AMY2B: variants seen among roughly 807,000 people sequenced by gnomAD.
The protein encoded by AMY2B is amylase alpha 2B.
A neutral mutation model predicts 59.3 loss-of-function variants in AMY2B; 63 were observed. The ratio of observed to expected loss-of-function variants is 1.06; its 90% CI spans 0.87 to 1.31. The LOEUF (loss-of-function observed/expected upper bound fraction) is 1.31. AMY2B is among the 50% of genes most tolerant of loss of function. The probability of loss-of-function intolerance (pLI) is 0.00; values close to 1 mark genes in which losing one functional copy is unlikely to be tolerated. For missense variants in AMY2B, 635 were observed against 626.7 expected (o/e 1.01, Z -0.14); for synonymous variants, 180 against 198.1 (o/e 0.91, Z 0.77).
At chr1:103,565,867 C>G (rs1651892065) in intron 2 of AMY2B, among the ~76,000 whole-genome samples, 1 of 152,152 alleles carries the variant, frequency 6.6e-6, no homozygotes, top group African/African-American at 2.4e-5. Flanking sequence ...TGTCACTGCT[C>G]TGCTTACTAA....
At chr1:103,575,770 C>T in intron 7 of AMY2B, 1 of 577,558 alleles carries the variant, frequency 1.7e-6, no homozygotes. Flanking sequence ...TCCCCCTAGC[C>T]CACAGGAAAA....
chr1:103,560,342 T>C (rs1391779152), intron 1 of AMY2B, among the ~76,000 whole-genome samples: 2 of 152,176 alleles, frequency 1.3e-5, no homozygotes, highest in African/African-American at 4.8e-5. Flanking sequence ...TACAACCATT[T>C]TACTGTGGTA....
exon 2 of AMY2B, chr1:103,565,545 T>G (rs923784918): frequency 6.6e-6 from 1 of 152,152 alleles, no homozygotes; most frequent in Non-Finnish European, 1.5e-5. Context: ...TCAACTCACG[T>G]TGTTGGAATG....
chr1:103,572,968 T>C, intron 2 of AMY2B, 95 bp from the exon 3 acceptor site: 1 of 1,598,298 alleles, frequency 6.3e-7, no homozygotes, highest in Non-Finnish European at 8.5e-7. Context: ...TGAAATATTT[T>C]GGAGTTTTAT....
At chr1:103,563,343 C>T (rs1466656010) in intron 1 of AMY2B, among the ~76,000 whole-genome samples, 5 of 152,094 alleles carry the variant, frequency 3.3e-5, no homozygotes, top group South Asian at 2.1e-4. Flanking sequence ...GCAATAATGC[C>T]GTATATTACT....
rs147059247 is a variant in AMY2B at position 103,575,511 on chromosome 1, C to T, written c.1072C>T (p.Arg358Cys). The change falls in exon 7 of 10, where the codon CGT becomes TGT. Residue 358 changes from arginine to cysteine, a missense_variant. Arg to Cys is a radical substitution (Grantham distance 180). Coordinates refer to ENST00000684275, the MANE Select transcript of AMY2B (RefSeq NM_001387437.1). Reference protein sequence around the residue: ...YGFTRVMSSYRWPRQFQNGND... With the variant: ...YGFTRVMSSYCWPRQFQNGND... ...TTTTACACGAGTAATGTCAAGCTAC[C>T]GTTGGCCAAGACAGTTTCAAAATGG... The T allele has an allele frequency of 4.0e-5, 65 of 1,613,550 alleles. No individual in the cohort carries two copies. Among genetic ancestry groups the T allele is most frequent in the Non-Finnish European group, 5.2e-5 (61 of 1,179,790 alleles).
chr1:103,572,036 T>G, intron 1 of AMY2B, 74 bp from the exon 2 acceptor site: 1 of 1,595,846 alleles, frequency 6.3e-7, no homozygotes, highest in East Asian at 2.2e-5. Flanking sequence ...TTTTTTATAT[T>G]ATTGATTAGT....
At chr1:103,568,341 T>C (rs1651981333), upstream of AMY2B, 1 of 152,184 alleles carries the variant, frequency 6.6e-6, no homozygotes, top group African/African-American at 2.4e-5. Flanking sequence ...CACAAATTTA[T>C]TTATTTAGCA....
chr1:103,575,697 G>T (rs1652326016), intron 7 of AMY2B, 157 bp downstream of exon 7: 1 of 1,088,918 alleles, frequency 9.2e-7, no homozygotes, highest in Non-Finnish European at 1.3e-6. Context: ...TATATTAAAG[G>T]AGTAAAATAT....
At chr1:103,560,007 T>C (rs1434549274) in intron 1 of AMY2B, among the ~76,000 whole-genome samples, 4 of 152,190 alleles carry the variant, frequency 2.6e-5, no homozygotes, top group Non-Finnish European at 4.4e-5. Context: ...GAAATGTTCA[T>C]ATTAACAAGT....
At chr1:103,561,453 A>T (rs1651731997) in intron 1 of AMY2B, among the ~76,000 whole-genome samples, 1 of 152,034 alleles carries the variant, frequency 6.6e-6, no homozygotes, top group Admixed American at 6.6e-5. Context: ...GTTTTAGTAG[A>T]GACAGGGTTT....
At chr1:103,574,770 A>G (rs1405700323) in intron 5 of AMY2B, among the ~76,000 whole-genome samples, 5 of 151,660 alleles carry the variant, frequency 3.3e-5, no homozygotes, top group Non-Finnish European at 5.9e-5. Context: ...AATTAAAAAT[A>G]TAAAAATATT....
upstream of AMY2B, among the ~76,000 whole-genome samples, chr1:103,567,074 A>G (rs1651933432): frequency 1.3e-5 from 2 of 152,220 alleles, no homozygotes. Flanking sequence ...AAGAAGTCAA[A>G]TATAGCTTAA....
At chr1:103,576,370 T>C (rs1652354255) in intron 7 of AMY2B, among the ~76,000 whole-genome samples, 1 of 152,160 alleles carries the variant, frequency 6.6e-6, no homozygotes, top group Non-Finnish European at 1.5e-5. Context: ...TATTTAGGTG[T>C]ACTTTTATAT....
At chr1:103,573,640 T>G (rs1322390786) in intron 3 of AMY2B, 68 bp from the exon 4 acceptor site, 1 of 1,597,962 alleles carries the variant, frequency 6.3e-7, no homozygotes, top group East Asian at 2.2e-5. Flanking sequence ...AATAAATGAA[T>G]AATCAAATGG....
At chr1:103,563,656 A>G (rs971462153) in intron 1 of AMY2B, among the ~76,000 whole-genome samples, 1 of 152,130 alleles carries the variant, frequency 6.6e-6, no homozygotes, top group African/African-American at 2.4e-5. Flanking sequence ...TCTACCTTTC[A>G]TGCAGTGCTA....
At chr1:103,578,326 A>C (rs1652443955) in intron 9 of AMY2B, among the ~76,000 whole-genome samples, 1 of 152,170 alleles carries the variant, frequency 6.6e-6, no homozygotes, top group South Asian at 2.1e-4. Flanking sequence ...TGTGACAAAT[A>C]ATATTTTTAA....
intron 1 of AMY2B, among the ~76,000 whole-genome samples, chr1:103,557,255 G>C (rs1215575322): frequency 1.1e-4 from 17 of 151,958 alleles, no homozygotes; most frequent in East Asian, 1.9e-4. Flanking sequence ...CAAGGTCTAA[G>C]CAATGAAGAA....
intron 1 of AMY2B, among the ~76,000 whole-genome samples, chr1:103,555,677 TTGG>T (rs1400506027): frequency 6.6e-6 from 1 of 152,118 alleles, no homozygotes; most frequent in Non-Finnish European, 1.5e-5. Context: ...GTTGACAAAC[TTGG>T]TGGATGTCAG....
Sources: gnomAD v4.1 joint callset for allele counts (sites outside exome capture counted in the v4.1 genomes callset) on GRCh38, gnomAD v4.1.1 for gene constraint, MANE v1.5 for transcripts, NCBI Gene and HGNC (gene_info 2026-07-23, HGNC 2026-07-21) for gene names.